MRTFA: variants seen among roughly 807,000 people sequenced by gnomAD.
MRTFA encodes the protein myocardin-related transcription factor A.
Under a neutral mutation model 83.5 loss-of-function variants are expected in MRTFA, and 20 were observed. The ratio of observed to expected loss-of-function variants is 0.24; its 90% confidence interval spans 0.17 to 0.35. MRTFA has a LOEUF of 0.35. Among genes scored for constraint, MRTFA ranks in the 10% least tolerant of loss-of-function variants. MRTFA has a pLI of 1.00. For missense variants in MRTFA, 1,200 were observed against 1,224.7 expected (o/e 0.98, Z 0.30); for synonymous variants, 659 against 541.2 (o/e 1.22, Z -3.02).
intron 1 of MRTFA, among the ~76,000 whole-genome samples, chr22:40,624,600 G>A (rs764748522): frequency 6.6e-6 from 1 of 152,032 alleles, no homozygotes; most frequent in Admixed American, 6.6e-5. Flanking sequence ...GGATCATGAA[G>A]GTAAAGTTTT....
At chr22:40,529,728 A>G (rs1251319485) in intron 3 of MRTFA, among the ~76,000 whole-genome samples, 2 of 152,230 alleles carry the variant, frequency 1.3e-5, no homozygotes, top group Non-Finnish European at 2.9e-5. Context: ...ACTTGAGTGT[A>G]TAGGTTGTGC....
intron 3 of MRTFA, among the ~76,000 whole-genome samples, chr22:40,529,830 A>C (rs543857971): frequency 6.6e-6 from 1 of 152,288 alleles, no homozygotes; most frequent in East Asian, 1.9e-4. Context: ...TCTAATAATC[A>C]TAACAACAAA....
At chr22:40,543,306 T>C (rs1014892442) in intron 3 of MRTFA, among the ~76,000 whole-genome samples, 8 of 152,196 alleles carry the variant, frequency 5.3e-5, no homozygotes, top group Admixed American at 2.6e-4. Context: ...TTGTGCAACA[T>C]TGTGGCATGA....
Position 40,459,403 on chromosome 22 carries a change from T to C in MRTFA, c.307+3818A>G, listed in dbSNP as rs918100254. 3.3e-5 allele frequency among the ~76,000 whole-genome samples: 5 copies of C among 152,118 alleles called. No individual in the cohort carries two copies. In the South Asian group the frequency reaches 1.0e-3, roughly 31 times the overall value. On this transcript the variant is annotated intron_variant, in intron 4 of 14. Transcript: ENST00000355630. ...AGCATTTCTTACCTACTTCCTTCTC[T>C]AGAAAAGCTGATAACAAGACTATGT...
chr22:40,513,154 C>G (rs1445053922), intron 3 of MRTFA, among the ~76,000 whole-genome samples: 3 of 152,196 alleles, frequency 2.0e-5, no homozygotes, highest in African/African-American at 7.2e-5. Context: ...ACTGAGTAGT[C>G]TAAGCCAAAA....
At chr22:40,443,897 TG>T (rs1354408844) in intron 4 of MRTFA, among the ~76,000 whole-genome samples, 1 of 152,130 alleles carries the variant, frequency 6.6e-6, no homozygotes, top group Non-Finnish European at 1.5e-5. Flanking sequence ...GGAGGGCTGG[TG>T]GAGAGCCATG....
chr22:40,482,674 C>T (rs2054110669), intron 3 of MRTFA, among the ~76,000 whole-genome samples: 1 of 152,158 alleles, frequency 6.6e-6, no homozygotes. Flanking sequence ...TAGTTCTGCC[C>T]ATTCACTGAG....
chr22:40,633,753 G>A (rs1396144639), intron 1 of MRTFA, among the ~76,000 whole-genome samples: 1 of 151,896 alleles, frequency 6.6e-6, no homozygotes, highest in African/African-American at 2.4e-5. Flanking sequence ...TCGCCTTAGT[G>A]ACTAAATCAA....
At chr22:40,587,869 C>A in intron 2 of MRTFA, 1 of 406,510 alleles carries the variant, frequency 2.5e-6, no homozygotes, top group Non-Finnish European at 4.7e-6. Context: ...TGTTTTTGTG[C>A]AAGTTGGTGT....
intron 1 of MRTFA, among the ~76,000 whole-genome samples, chr22:40,617,938 GC>G (rs1282064022): frequency 5.3e-5 from 8 of 152,114 alleles, no homozygotes; most frequent in African/African-American, 1.9e-4. Context: ...CAAAGTCCCT[GC>G]CCTTGTACAG....
At chr22:40,442,210 G>A (rs904676445) in intron 4 of MRTFA, among the ~76,000 whole-genome samples, 3 of 152,150 alleles carry the variant, frequency 2.0e-5, no homozygotes, top group Admixed American at 6.5e-5. Context: ...AAGTGTCTAG[G>A]TCTGAATGTT....
intron 3 of MRTFA, among the ~76,000 whole-genome samples, chr22:40,498,831 C>T (rs1293895865): frequency 6.6e-6 from 1 of 152,154 alleles, no homozygotes; most frequent in East Asian, 1.9e-4. Flanking sequence ...GCTCTTATCA[C>T]CTGTTGCCAA....
chr22:40,613,737 T>C (rs140239156), intron 1 of MRTFA, among the ~76,000 whole-genome samples: 1 of 151,894 alleles, frequency 6.6e-6, no homozygotes, highest in African/African-American at 2.4e-5. Context: ...TGAAACCCCA[T>C]CTCTACCAAA....
In MRTFA at chr22:40,411,272, C is replaced by G; in HGVS notation, c.*118G>C. ...CTAGCCTCCCAGGGAAGGGAAAAAGCAGGGGCTGTGATTGTCAAGACTCAC... is the reference window on the plus strand; with the variant it reads ...CTAGCCTCCCAGGGAAGGGAAAAAGGAGGGGCTGTGATTGTCAAGACTCAC... On this transcript the variant is annotated 3_prime_UTR_variant, in exon 15 of 15. Transcript: ENST00000355630. The G allele has an allele frequency of 8.8e-7, 1 of 1,135,986 alleles. No homozygotes were observed. Among genetic ancestry groups the G allele is most frequent in the Admixed American group, 2.5e-5 (1 of 39,374 alleles). 70.4% of individuals were successfully genotyped at this position (1,135,986 alleles called of 1,614,324 possible). A position where few individuals can be genotyped will look rare whatever the true frequency, so the allele number is the denominator to read the frequency against.
intron 1 of MRTFA, among the ~76,000 whole-genome samples, chr22:40,634,850 T>A (rs993687761): frequency 1.3e-5 from 2 of 152,222 alleles, no homozygotes; most frequent in African/African-American, 4.8e-5. Context: ...ACTAAGGACA[T>A]GGAAACTCTC....
chr22:40,541,086 C>A (rs896861742), intron 3 of MRTFA, among the ~76,000 whole-genome samples: 1 of 152,000 alleles, frequency 6.6e-6, no homozygotes, highest in African/African-American at 2.4e-5. Context: ...CACAATAATA[C>A]CCTCAGGAAT....
intron 1 of MRTFA, among the ~76,000 whole-genome samples, chr22:40,621,993 T>C (rs1007795470): frequency 6.6e-6 from 1 of 152,178 alleles, no homozygotes; most frequent in Admixed American, 6.5e-5. Context: ...CTTGAGTTGA[T>C]GTTGCAATGG....
rs909834932 is a variant in MRTFA, at chr22:40,410,625, G to A, written c.*765C>T. On this transcript the variant is annotated 3_prime_UTR_variant, in exon 15 of 15. Coordinates refer to ENST00000355630, the MANE Select transcript of MRTFA (RefSeq NM_020831.6). ...GCAGGTGGGGCATAGGCCGTGGCAG[G>A]GTACCTACATGTCAATCACACGTGA... The A allele has an allele frequency of 3.9e-5, 9 of 233,390 alleles. No individual in the cohort carries two copies. The highest frequency in any genetic ancestry group is 1.8e-4 in the South Asian group (1 of 5,540). 14.5% of individuals were successfully genotyped at this position (233,390 alleles called of 1,614,324 possible).
intron 2 of MRTFA, among the ~76,000 whole-genome samples, chr22:40,566,913 G>A (rs188794277): frequency 1.4e-4 from 22 of 152,234 alleles, no homozygotes; most frequent in African/African-American, 4.8e-4. Context: ...TCACCTTAGC[G>A]TGCCACCTGA....
Sources: allele counts gnomAD v4.1 joint callset (sites outside exome capture counted in the v4.1 genomes callset), GRCh38; gene constraint gnomAD v4.1.1; transcripts MANE v1.5; gene names NCBI Gene and HGNC (gene_info 2026-07-23, HGNC 2026-07-21).